The following MGLL variants were observed in gnomAD, a reference collection of about 807,000 sequenced individuals.
The protein encoded by MGLL is monoglyceride lipase, also known as lysophospholipase homolog.
Under a neutral mutation model 29.1 loss-of-function variants are expected in MGLL, and 7 were observed. That is an observed-to-expected ratio of 0.24 (90% confidence interval 0.14 to 0.45). The LOEUF is 0.45. Among genes scored for constraint, MGLL ranks in the 20% least tolerant of loss-of-function variants. The pLI, the probability that MGLL is intolerant of heterozygous loss-of-function variation, is 0.99. For synonymous variants in MGLL, 148 were observed against 168.3 expected, an observed-to-expected ratio of 0.88 and a Z score of 0.93; for missense variants, 356 against 413.6, an observed-to-expected ratio of 0.86 and a Z score of 1.21.
chr3:127,705,621 A>G (rs1416855853), intron 6 of MGLL, among the ~76,000 whole-genome samples: 2 of 151,842 alleles, frequency 1.3e-5, no homozygotes, highest in African/African-American at 4.8e-5. Context: ...TACTAAAAAT[A>G]TGAAATTAGC....
intron 3 of MGLL, among the ~76,000 whole-genome samples, chr3:127,732,151 C>G (rs1424178725): frequency 6.6e-6 from 1 of 152,140 alleles, no homozygotes; most frequent in African/African-American, 2.4e-5. Flanking sequence ...CATTTTCTTA[C>G]AGAAGAAAAA....
intron 3 of MGLL, among the ~76,000 whole-genome samples, chr3:127,723,354 G>T (rs1386663603): frequency 1.3e-5 from 2 of 152,230 alleles, no homozygotes; most frequent in Admixed American, 6.5e-5. Context: ...ACAGCCAGAG[G>T]GGCTGCCCAG....
Position 127,721,042 on chromosome 3 carries a change from G to A in MGLL, c.510+11C>T, listed in dbSNP as rs1454337829. 4 of 1,608,510 alleles carry A rather than the reference G, an allele frequency of 2.5e-6. No homozygotes were observed. The South Asian group carries it at 4.4e-5, about 18-fold the overall frequency. On this transcript the variant is annotated intron_variant, in intron 5 of 7. Coordinates refer to ENST00000265052, the MANE Select transcript of MGLL (RefSeq NM_007283.7). ...CCTGTAGGAATTGTACAGACTGGAA[G>A]GTCCTTTTACCTTGAAAGTTGTTGC...
chr3:127,692,626 A>G (rs1196314044), intron 7 of MGLL, among the ~76,000 whole-genome samples: 1 of 152,118 alleles, frequency 6.6e-6, no homozygotes, highest in Non-Finnish European at 1.5e-5. Context: ...CAACCTTCTC[A>G]AAAGAGGGGG....
rs1041390822 is a variant in MGLL, at chr3:127,787,418, C to T, written c.156-5523G>A. On this transcript the variant is annotated intron_variant, in intron 2 of 7. Transcript: ENST00000265052. Reference sequence around the variant, plus strand: ...GGACAGTCCCCTAGAGCACGTGGAACGGCTGGCAGAGGGGAAAACGCTAGC... The same window carrying T: ...GGACAGTCCCCTAGAGCACGTGGAATGGCTGGCAGAGGGGAAAACGCTAGC... Among the ~76,000 whole-genome samples the T allele has an allele frequency of 5.9e-5, 9 of 152,212 alleles. No homozygotes were observed. In the South Asian group the frequency reaches 6.2e-4, roughly 11 times the overall value.
At chr3:127,718,479 C>G (rs1338842284) in intron 5 of MGLL, among the ~76,000 whole-genome samples, 2 of 152,122 alleles carry the variant, frequency 1.3e-5, no homozygotes, top group Non-Finnish European at 1.5e-5. Context: ...TGGAAATGAC[C>G]CCAGGGCACC....
chr3:127,820,754 C>G (rs1455655610), intron 2 of MGLL, among the ~76,000 whole-genome samples: 1 of 152,218 alleles, frequency 6.6e-6, no homozygotes, highest in African/African-American at 2.4e-5. Flanking sequence ...CACTTGAAAA[C>G]ACTAGAGAGA....
intron 3 of MGLL, among the ~76,000 whole-genome samples, chr3:127,732,199 G>T (rs530395861): frequency 6.6e-6 from 1 of 152,214 alleles, no homozygotes; most frequent in Non-Finnish European, 1.5e-5. Flanking sequence ...AAAGTGAGAC[G>T]AAGCCTTTAA....
intron 3 of MGLL, chr3:127,735,785 A>G: frequency 6.3e-7 from 1 of 1,598,358 alleles, no homozygotes; most frequent in Non-Finnish European, 8.5e-7. Flanking sequence ...CAGAGGAGAA[A>G]AATGTATAAA....
At chr3:127,822,112 G>C in intron 1 of MGLL, 197 bp downstream of exon 1, 1 of 690,092 alleles carries the variant, frequency 1.4e-6, no homozygotes, top group Non-Finnish European at 2.4e-6. Context: ...AATCATTTCA[G>C]GAAACTTCAT....
Position 127,778,143 on chromosome 3 carries a change from A to G in MGLL, c.262+3646T>C, listed in dbSNP as rs368889227. ...TTGAGCAATGAGACCCATGGTAGTA[A>G]AATCAGTTAGCATCAGATTTACAGA... On this transcript the variant is annotated intron_variant, in intron 3 of 7. Coordinates refer to ENST00000265052, the MANE Select transcript of MGLL (RefSeq NM_007283.7). Among the ~76,000 whole-genome samples, 6 of 152,368 alleles carry G rather than the reference A, an allele frequency of 3.9e-5. No homozygotes were observed. The South Asian group carries it at 1.2e-3, about 32-fold the overall frequency.
rs560656628 is a variant in MGLL at position 127,795,482 on chromosome 3, C to A, written c.156-13587G>T. 2.0e-5 allele frequency among the ~76,000 whole-genome samples: 3 copies of A among 152,046 alleles called. No homozygotes were observed. The South Asian group carries it at 6.2e-4, about 32-fold the overall frequency. ...ACCTGGGTGATGGGATCAGTCATACCCCAAACTCAGCATCATGCAATAAAC... is the reference window on the plus strand; with the variant it reads ...ACCTGGGTGATGGGATCAGTCATACACCAAACTCAGCATCATGCAATAAAC... On this transcript the variant is annotated intron_variant, in intron 2 of 7. Transcript: ENST00000265052.
At chr3:127,767,997 T>C (rs2076887387) in intron 3 of MGLL, among the ~76,000 whole-genome samples, 1 of 152,206 alleles carries the variant, frequency 6.6e-6, no homozygotes, top group East Asian at 1.9e-4. Flanking sequence ...TTCCAGTAAC[T>C]TGTCCAAGGA....
At chr3:127,702,181 C>T (rs911621677) in intron 6 of MGLL, among the ~76,000 whole-genome samples, 1 of 152,236 alleles carries the variant, frequency 6.6e-6, no homozygotes, top group Non-Finnish European at 1.5e-5. Flanking sequence ...CCGCCTCTTT[C>T]CCCTCTGGGC....
chr3:127,763,550 T>C (rs992032608), intron 3 of MGLL, among the ~76,000 whole-genome samples: 2 of 152,224 alleles, frequency 1.3e-5, no homozygotes, highest in African/African-American at 2.4e-5. Flanking sequence ...CACGGCCATC[T>C]GGATCTCGGA....
rs1185735783 is a variant in MGLL, at chr3:127,715,602, T to C, written c.511-4937A>G. The C allele has an allele frequency of 1.3e-5, 6 of 446,574 alleles. No homozygotes were observed. The East Asian group carries it at 4.2e-4, about 31-fold the overall frequency. The allele number at this position is 446,574 out of a possible 1,614,324, so 27.7% of individuals were successfully genotyped here. On this transcript the variant is annotated intron_variant, in intron 5 of 7. Coordinates refer to ENST00000265052, the MANE Select transcript of MGLL (RefSeq NM_007283.7). ...TAATCTCTCCTGAAGGAGGAAAGGG[T>C]AGGATGGGAGGAGAAAGAGCTAAGC...
chr3:127,784,873 T>C (rs1014256474), intron 2 of MGLL, among the ~76,000 whole-genome samples: 2 of 152,210 alleles, frequency 1.3e-5, no homozygotes, highest in Non-Finnish European at 2.9e-5. Flanking sequence ...CAAATCATGT[T>C]ACCCTTCTGC....
chr3:127,705,770 C>T (rs2075589393), intron 6 of MGLL, among the ~76,000 whole-genome samples: 2 of 133,374 alleles, frequency 1.5e-5, no homozygotes, highest in South Asian at 5.1e-4. Flanking sequence ...GAGAGAAACT[C>T]CATCTCAAAA....
At chr3:127,771,139 A>G (rs1348775927) in intron 3 of MGLL, among the ~76,000 whole-genome samples, 2 of 152,122 alleles carry the variant, frequency 1.3e-5, no homozygotes, top group Non-Finnish European at 2.9e-5. Flanking sequence ...GTGCTAACCA[A>G]GCCCATGTAA....
Sources: gnomAD v4.1 joint callset for allele counts (sites outside exome capture counted in the v4.1 genomes callset) on GRCh38, gnomAD v4.1.1 for gene constraint, MANE v1.5 for transcripts, NCBI Gene and HGNC (gene_info 2026-07-23, HGNC 2026-07-21) for gene names.